Variants in ST3GAL4 observed in about 807,000 individuals in gnomAD.
ST3GAL4 encodes ST3 beta-galactoside alpha-2,3-sialyltransferase 4, also known as CMP-N-acetylneuraminate-beta-galactosamide-alpha-2,3-sialyltransferase 4.
A neutral mutation model predicts 42.6 loss-of-function variants in ST3GAL4; 24 were observed. The observed-to-expected ratio is 0.56, with a 90% CI of 0.41 to 0.79. ST3GAL4 has a LOEUF of 0.79. ST3GAL4 is among the 30% of genes least tolerant of loss of function. The pLI is 0.00. For missense variants in ST3GAL4, 311 were observed against 430.8 expected, an observed-to-expected ratio of 0.72 and a Z score of 2.46; for synonymous variants, 135 against 163.2, an observed-to-expected ratio of 0.83 and a Z score of 1.32.
intron 1 of ST3GAL4, among the ~76,000 whole-genome samples, chr11:126,402,313 G>T (rs1226003590): frequency 3.3e-5 from 5 of 151,922 alleles, no homozygotes; most frequent in African/African-American, 1.2e-4. Context: ...AAAATTAGCC[G>T]GGCATGGTGA....
intron 1 of ST3GAL4, among the ~76,000 whole-genome samples, chr11:126,365,971 C>T (rs1250640208): frequency 2.6e-5 from 4 of 152,210 alleles, no homozygotes; most frequent in African/African-American, 9.7e-5. Flanking sequence ...ACCTGTGGGG[C>T]TCATAGGCGT....
At chr11:126,370,637 T>G (rs554622223) in intron 1 of ST3GAL4, among the ~76,000 whole-genome samples, 1 of 152,294 alleles carries the variant, frequency 6.6e-6, no homozygotes, top group South Asian at 2.1e-4. Flanking sequence ...TAATCTTTCA[T>G]TATTTAGCTT....
Position 126,371,163 on chromosome 11 carries a change from C to CTTTTTTTTTTTTT in ST3GAL4, c.-61+15328_-61+15340dup, listed in dbSNP as rs551443393. 4.1e-3 allele frequency among the ~76,000 whole-genome samples: 244 copies of CTTTTTTTTTTTTT among 59,958 alleles called. 70 individuals are homozygous for CTTTTTTTTTTTTT. Among genetic ancestry groups the CTTTTTTTTTTTTT allele is most frequent in the African/African-American group, 0.013 (181 of 14,160 alleles). 39.3% of individuals were successfully genotyped at this position (59,958 alleles called of 152,430 possible). A position where few individuals can be genotyped will look rare whatever the true frequency, so the allele number is the denominator to read the frequency against. On this transcript the variant is annotated intron_variant, in intron 1 of 10. Transcript: ENST00000444328. ...ATCTATTCTATTCTTCCCCACATTC[C>CTTTTTTTTTTTTT]TTTTTTTTTTTTTTTTTTTGAGATG...
chr11:126,362,348 C>T (rs996816672), intron 1 of ST3GAL4, among the ~76,000 whole-genome samples: 1 of 151,670 alleles, frequency 6.6e-6, no homozygotes, highest in African/African-American at 2.4e-5. Flanking sequence ...TATAGGTGCC[C>T]ACCATCACAC....
chr11:126,391,939 GT>G lies in ST3GAL4; in HGVS notation c.-60-14156del, dbSNP rs904006675. On this transcript the variant is annotated intron_variant, in intron 1 of 10. Transcript: ENST00000444328. The surrounding 1 kb of genome is among the most constrained non-coding windows in gnomAD (Gnocchi z 5.5). ...AGAACACCTGTGATAACTTGGTCGTGTGTGTGTGTGTGTGTGTGTGTGTGTG... is the reference window on the plus strand; with the variant it reads ...AGAACACCTGTGATAACTTGGTCGTGGTGTGTGTGTGTGTGTGTGTGTGTG... Among the ~76,000 whole-genome samples the G allele has an allele frequency of 5.6e-4, 57 of 101,830 alleles. No homozygotes were observed. The highest frequency in any genetic ancestry group is 9.0e-4 in the Non-Finnish European group (42 of 46,900). 66.8% of individuals were successfully genotyped at this position (101,830 alleles called of 152,430 possible). A position where few individuals can be genotyped will look rare whatever the true frequency, so the allele number is the denominator to read the frequency against.
At position 126,397,112 on chromosome 11, in the gene ST3GAL4, C is replaced by T. The variant is rs964687790; in HGVS notation, c.-60-8984C>T. 5.3e-5 allele frequency among the ~76,000 whole-genome samples: 8 copies of T among 152,050 alleles called. No individual in the cohort carries two copies. Among genetic ancestry groups the T allele is most frequent in the African/African-American group, 1.5e-4 (6 of 41,318 alleles). On this transcript the variant is annotated intron_variant, in intron 1 of 10. Coordinates refer to ENST00000444328, the MANE Select transcript of ST3GAL4 (RefSeq NM_001254757.2). This position sits in a 1 kb window ranked among gnomAD's most constrained non-coding sequence, Gnocchi z 5.0. ...CAGAGATTGAGAGATCCTGGTTTCGCGTTTTGAGCGTGCAGTACATTTCAG... is the reference window on the plus strand; with the variant it reads ...CAGAGATTGAGAGATCCTGGTTTCGTGTTTTGAGCGTGCAGTACATTTCAG...
chr11:126,412,358 G>A (rs1017175882), intron 9 of ST3GAL4, among the ~76,000 whole-genome samples: 4 of 152,186 alleles, frequency 2.6e-5, no homozygotes, highest in African/African-American at 7.2e-5. Context: ...GGCCTGATGA[G>A]GTCCAGGAAA....
rs1308011858 is a variant in ST3GAL4, at chr11:126,398,129, G to A, written c.-60-7967G>A. ...AAAGTCCACAGTCTCATCTAAGTCA[G>A]CTGTGGGTAAAACTCAAGGTATGGT... On this transcript the variant is annotated intron_variant, in intron 1 of 10. Coordinates refer to ENST00000444328, the MANE Select transcript of ST3GAL4 (RefSeq NM_001254757.2). This position sits in a 1 kb window ranked among gnomAD's most constrained non-coding sequence, Gnocchi z 4.7. 6.6e-6 allele frequency among the ~76,000 whole-genome samples: 1 copy of A among 152,206 alleles called. No individual in the cohort carries two copies. The highest frequency in any genetic ancestry group is 2.4e-5 in the African/African-American group (1 of 41,446).
rs1230216686 is a variant in ST3GAL4, at chr11:126,377,985, C to T, written c.-61+22143C>T. Among the ~76,000 whole-genome samples, 6 of 152,084 alleles carry T rather than the reference C, an allele frequency of 3.9e-5. No individual in the cohort carries two copies. The South Asian group carries it at 1.2e-3, about 32-fold the overall frequency. The stretch of plus-strand genomic sequence containing the variant: ...AATTCACTCAACTGAGAGAAACGGG[C>T]TCTTACAGAAGTATGAAATCCAGAA... On this transcript the variant is annotated intron_variant, in intron 1 of 10. Transcript: ENST00000444328.
chr11:126,371,163 C>CTTTTTCTTT (rs1952628693), intron 1 of ST3GAL4, among the ~76,000 whole-genome samples: 1 of 59,974 alleles, frequency 1.7e-5, no homozygotes, highest in African/African-American at 7.1e-5. Flanking sequence ...CCCCACATTC[C>CTTTTTCTTT]TTTTTTTTTT....
At chr11:126,374,619 C>T (rs982837940) in intron 1 of ST3GAL4, among the ~76,000 whole-genome samples, 26 of 152,014 alleles carry the variant, frequency 1.7e-4, no homozygotes, top group African/African-American at 5.8e-4. Context: ...GAGGCTGGTG[C>T]GTGGGGCAGC....
In ST3GAL4 at chr11:126,359,577, C is replaced by T. The variant is rs1031429367; in HGVS notation, c.-61+3735C>T. Among the ~76,000 whole-genome samples the T allele has an allele frequency of 6.6e-6, 1 of 152,218 alleles. No individual in the cohort carries two copies. The highest frequency in any genetic ancestry group is 1.5e-5 in the Non-Finnish European group (1 of 68,042). On this transcript the variant is annotated intron_variant, in intron 1 of 10. Coordinates refer to ENST00000444328, the MANE Select transcript of ST3GAL4 (RefSeq NM_001254757.2). This position sits in a 1 kb window ranked among gnomAD's most constrained non-coding sequence, Gnocchi z 4.8. Reference sequence around the variant, plus strand: ...GCTCAAAGGCGTGAAGGGGTTTGCTCAAGGCCACAGTGTATTAGTGTCAAA... The same window carrying T: ...GCTCAAAGGCGTGAAGGGGTTTGCTTAAGGCCACAGTGTATTAGTGTCAAA...
intron 6 of ST3GAL4, 42 bp from the exon 7 acceptor site, chr11:126,408,057 T>A (rs1257736515): frequency 1.2e-6 from 2 of 1,601,970 alleles, no homozygotes; most frequent in South Asian, 2.2e-5. Flanking sequence ...GAGCCTGGGT[T>A]AGAGTGTGGG....
At position 126,359,519 on chromosome 11, in the gene ST3GAL4, T is replaced by G. The variant is rs144569032; in HGVS notation, c.-61+3677T>G. ...CAGTTCTCAACTGCCCCCTGGAGTT[T>G]GCTCATTTTGCCCCATGAAGAAACA... On this transcript the variant is annotated intron_variant, in intron 1 of 10. Coordinates refer to ENST00000444328, the MANE Select transcript of ST3GAL4 (RefSeq NM_001254757.2). This position sits in a 1 kb window ranked among gnomAD's most constrained non-coding sequence, Gnocchi z 4.8. 6.6e-6 allele frequency among the ~76,000 whole-genome samples: 1 copy of G among 152,198 alleles called. No individual in the cohort carries two copies.
chr11:126,414,101 C>CCACAGCCACG lies in ST3GAL4; in HGVS notation c.*56_*57insCAGCCACGCA. 2 of 1,576,720 alleles carry CCACAGCCACG rather than the reference C, an allele frequency of 1.3e-6. No individual in the cohort carries two copies. Among genetic ancestry groups the CCACAGCCACG allele is most frequent in the Non-Finnish European group, 1.7e-6 (2 of 1,146,064 alleles). On this transcript the variant is annotated 3_prime_UTR_variant, in exon 11 of 11. Coordinates refer to ENST00000444328, the MANE Select transcript of ST3GAL4 (RefSeq NM_001254757.2). ...GCCTACTCTGCTGTCTGGGTGACCC[C>CCACAGCCACG]CATGCGTGGCTGTGGGGGTGGCTGG...
intron 1 of ST3GAL4, among the ~76,000 whole-genome samples, chr11:126,370,421 ATAGCCT>A (rs1160869318): frequency 6.6e-6 from 1 of 152,228 alleles, no homozygotes; most frequent in Non-Finnish European, 1.5e-5. Context: ...GTATATATTC[ATAGCCT>A]TAGCTTATTT....
rs1004338632 is a variant in ST3GAL4, at chr11:126,374,796, C to T, written c.-61+18954C>T. Reference sequence around the variant, plus strand: ...ACAGATGACCGGTCTGTTCTTGGCACTTGCAATTAGCGGACCGTCTGTATC... The same window carrying T: ...ACAGATGACCGGTCTGTTCTTGGCATTTGCAATTAGCGGACCGTCTGTATC... On this transcript the variant is annotated intron_variant, in intron 1 of 10. Transcript: ENST00000444328. Among the ~76,000 whole-genome samples, 7 of 152,250 alleles carry T rather than the reference C, an allele frequency of 4.6e-5. No homozygotes were observed. The East Asian group carries it at 1.3e-3, about 29-fold the overall frequency.
chr11:126,414,202 A>G lies in ST3GAL4; in HGVS notation c.*155A>G, dbSNP rs1023150046. The G allele has an allele frequency of 3.6e-5, 26 of 713,666 alleles. No homozygotes were observed. The highest frequency in any genetic ancestry group is 6.1e-5 in the Non-Finnish European group (25 of 411,472). 44.2% of individuals were successfully genotyped at this position (713,666 alleles called of 1,614,324 possible). A position where few individuals can be genotyped will look rare whatever the true frequency, so the allele number is the denominator to read the frequency against. ...GCCTGGCCAGGTCTGAGATGAGGCC[A>G]TGCCCCTGGCTGCTCTTATGGAGCC... On this transcript the variant is annotated 3_prime_UTR_variant, in exon 11 of 11. Transcript: ENST00000444328.
intron 8 of ST3GAL4, chr11:126,408,713 G>A: frequency 1.7e-6 from 1 of 592,268 alleles, no homozygotes. Context: ...GCAGGCGTCA[G>A]GTGGCAGCAG....
Sources: allele counts gnomAD v4.1 joint callset (sites outside exome capture counted in the v4.1 genomes callset), GRCh38; gene constraint gnomAD v4.1.1; non-coding constraint Gnocchi (gnomAD v3.1); transcripts MANE v1.5; gene names NCBI Gene and HGNC (gene_info 2026-07-23, HGNC 2026-07-21).